The following FARP1 variants were observed in gnomAD, a reference collection of about 807,000 sequenced individuals.
The protein encoded by FARP1 is FERM, ARH/RhoGEF and pleckstrin domain protein 1, also known as FERM, ARHGEF and pleckstrin domain-containing protein 1.
A neutral mutation model predicts 128.8 loss-of-function variants in FARP1; 52 were observed. That is an observed-to-expected ratio of 0.40 (90% CI 0.32 to 0.51). The LOEUF is 0.51. FARP1 is among the 20% of genes least tolerant of loss of function. The pLI is 0.45. For missense variants in FARP1, 1,333 were observed against 1,367.9 expected (o/e 0.97, Z 0.40); for synonymous variants, 580 against 551.8 (o/e 1.05, Z -0.72).
intron 2 of FARP1, among the ~76,000 whole-genome samples, chr13:98,293,434 C>T (rs1885533554): frequency 6.6e-6 from 1 of 152,104 alleles, no homozygotes; most frequent in Non-Finnish European, 1.5e-5. Flanking sequence ...GGAAAGGTAG[C>T]GTGACTTCAA....
At chr13:98,305,075 A>G (rs1437623872) in intron 2 of FARP1, among the ~76,000 whole-genome samples, 1 of 151,930 alleles carries the variant, frequency 6.6e-6, no homozygotes, top group Non-Finnish European at 1.5e-5. Flanking sequence ...TTGAAAGATG[A>G]TAGGGGCTCA....
At chr13:98,396,026 C>T (rs1488417945) in intron 13 of FARP1, 2 of 399,052 alleles carry the variant, frequency 5.0e-6, no homozygotes, top group African/African-American at 2.1e-5. Context: ...TCCCCCACCT[C>T]GCCAAGGCCA....
chr13:98,267,721 G>A (rs1241042385), intron 2 of FARP1, among the ~76,000 whole-genome samples: 7 of 152,356 alleles, frequency 4.6e-5, no homozygotes, highest in African/African-American at 1.7e-4. Flanking sequence ...GCGCAGCCGC[G>A]GACCTCAGGC....
At chr13:98,431,304 C>A (rs1329218714) in intron 18 of FARP1, 24 bp downstream of exon 18, 2 of 1,517,932 alleles carry the variant, frequency 1.3e-6, no homozygotes, top group Admixed American at 3.8e-5. Flanking sequence ...GCCTGCGCCA[C>A]CTGGTGCCCA....
chr13:98,453,344 G>T lies in FARP1; in HGVS notation c.*5027G>T. 1 of 844,240 alleles carries T rather than the reference G, an allele frequency of 1.2e-6. No homozygotes were observed. Among genetic ancestry groups the T allele is most frequent in the Non-Finnish European group, 1.9e-6 (1 of 535,256 alleles). 52.3% of individuals were successfully genotyped at this position (844,240 alleles called of 1,614,324 possible). A position where few individuals can be genotyped will look rare whatever the true frequency, so the allele number is the denominator to read the frequency against. ...AAAAATAAGTGGAGCAAATATCAAT[G>T]TGTAAGTCTAATTTTAAAAGAATGC... On this transcript the variant is annotated 3_prime_UTR_variant, in exon 27 of 27. Coordinates refer to ENST00000319562, the MANE Select transcript of FARP1 (RefSeq NM_005766.4).
intron 1 of FARP1, among the ~76,000 whole-genome samples, chr13:98,182,406 G>A (rs1441587974): frequency 1.3e-5 from 2 of 152,024 alleles, no homozygotes; most frequent in Non-Finnish European, 2.9e-5. Context: ...GCTCACTGCT[G>A]CCTCACCCTC....
chr13:98,393,874 T>A (rs561940081), intron 12 of FARP1, among the ~76,000 whole-genome samples, 156 bp downstream of exon 12: 2 of 152,250 alleles, frequency 1.3e-5, no homozygotes, highest in Non-Finnish European at 2.9e-5. Context: ...TGACCAGATA[T>A]AGGCTTTGTG....
intron 2 of FARP1, among the ~76,000 whole-genome samples, chr13:98,253,896 T>C (rs975632639): frequency 1.3e-5 from 2 of 152,228 alleles, no homozygotes; most frequent in Non-Finnish European, 2.9e-5. Flanking sequence ...TGTTTGTGTG[T>C]GTATGACAGT....
chr13:98,444,080 C>G (rs1373225572), intron 24 of FARP1, among the ~76,000 whole-genome samples: 1 of 151,606 alleles, frequency 6.6e-6, no homozygotes, highest in Non-Finnish European at 1.5e-5. Flanking sequence ...CCCCACCTGA[C>G]AGCATCTGGT....
At chr13:98,290,110 G>A (rs1270213104) in intron 2 of FARP1, among the ~76,000 whole-genome samples, 2 of 151,412 alleles carry the variant, frequency 1.3e-5, no homozygotes, top group Non-Finnish European at 2.9e-5. Flanking sequence ...GGTTGGGAAG[G>A]GCAGTCCGTC....
At chr13:98,342,184 C>T (rs1355273817) in intron 2 of FARP1, among the ~76,000 whole-genome samples, 6 of 152,274 alleles carry the variant, frequency 3.9e-5, no homozygotes, top group South Asian at 2.1e-4. Context: ...CCATCCATGT[C>T]ATATTTGTGG....
intron 1 of FARP1, among the ~76,000 whole-genome samples, chr13:98,166,074 GGTGTTGTGC>G (rs1223714114): frequency 6.6e-6 from 1 of 152,078 alleles, no homozygotes; most frequent in African/African-American, 2.4e-5. Flanking sequence ...CCCTAAATAT[GGTGTTGTGC>G]TTGTTCTCTT....
intron 1 of FARP1, among the ~76,000 whole-genome samples, chr13:98,188,258 T>G (rs1305464090): frequency 6.6e-6 from 1 of 152,080 alleles, no homozygotes. Context: ...TAAATATTTG[T>G]TAAAGAAGTT....
At chr13:98,291,757 T>G (rs2139666847) in intron 2 of FARP1, among the ~76,000 whole-genome samples, 1 of 152,318 alleles carries the variant, frequency 6.6e-6, no homozygotes, top group East Asian at 1.9e-4. Flanking sequence ...CTGTCTCTCC[T>G]TTGAGCGCCT....
At chr13:98,284,920 G>A (rs571204934) in intron 2 of FARP1, among the ~76,000 whole-genome samples, 182 of 152,256 alleles carry the variant, frequency 1.2e-3, no homozygotes, top group South Asian at 3.3e-3. Flanking sequence ...AGACAGATGG[G>A]AAAATGTCAC....
rs149379616 is a variant in FARP1, at chr13:98,410,822, C to T, written c.1691C>T (p.Ser564Leu). 19 of 1,522,608 alleles carry T rather than the reference C, an allele frequency of 1.2e-5. No individual in the cohort carries two copies. Among genetic ancestry groups the T allele is most frequent in the South Asian group, 5.7e-5 (5 of 87,374 alleles). The allele number at this position is 1,522,608 out of a possible 1,614,324, so 94.3% of individuals were successfully genotyped here. The change falls in exon 15 of 27, where the codon TCG (serine) becomes TTG (leucine). Residue 564 changes from serine to leucine, a missense_variant and splice_region_variant. By Grantham distance (145) the Ser-to-Leu change is moderately radical. Transcript: ENST00000319562. Reference protein sequence around the residue: ...TYLKDLEVITSWFQSTVSKED... With the variant: ...TYLKDLEVITLWFQSTVSKED... ...CTGAAGGATCTCGAAGTTATCACTT[C>T]GGTATGTGCAGTATTTCCCCAAAAG...
At chr13:98,389,488 T>G in intron 9 of FARP1, 1 of 151,716 alleles carries the variant, frequency 6.6e-6, no homozygotes, top group South Asian at 2.1e-4. Flanking sequence ...GTGTAGTTCC[T>G]GGGGTGGCCT....
intron 2 of FARP1, among the ~76,000 whole-genome samples, chr13:98,256,132 G>A (rs73555087): frequency 0.025 from 3,858 of 152,314 alleles, 162 homozygotes; most frequent in African/African-American, 0.088. Flanking sequence ...GTTCGTGAAA[G>A]TGTGGTTAAT....
At position 98,279,229 on chromosome 13, in the gene FARP1, A is replaced by G. The variant is rs1340744600; in HGVS notation, c.172-64533A>G. Reference sequence around the variant, plus strand: ...AAAATTGCTCATGAAATGTGCCAGTATTAACATTTATTTCTTCCATTACAT... The same window carrying G: ...AAAATTGCTCATGAAATGTGCCAGTGTTAACATTTATTTCTTCCATTACAT... On this transcript the variant is annotated intron_variant, in intron 2 of 26. Coordinates refer to ENST00000319562, the MANE Select transcript of FARP1 (RefSeq NM_005766.4). 3.3e-5 allele frequency among the ~76,000 whole-genome samples: 5 copies of G among 152,332 alleles called. No homozygotes were observed. In the East Asian group the frequency reaches 9.6e-4, roughly 29 times the overall value.
Sources: gnomAD v4.1 joint callset for allele counts (sites outside exome capture counted in the v4.1 genomes callset) on GRCh38, gnomAD v4.1.1 for gene constraint, MANE v1.5 for transcripts, NCBI Gene and HGNC (gene_info 2026-07-23, HGNC 2026-07-21) for gene names.